ELMO1: variants seen among roughly 807,000 people sequenced by gnomAD.
ELMO1 encodes the protein engulfment and cell motility protein 1.
In ELMO1, 26 loss-of-function variants were observed where a neutral mutation model predicts 98.9. That is an observed-to-expected ratio of 0.26 (90% CI 0.19 to 0.36). The LOEUF is 0.36. Among genes scored for constraint, ELMO1 ranks in the 10% least tolerant of loss-of-function variants. The pLI is 1.00. For synonymous variants in ELMO1, 346 were observed against 346.0 expected, an observed-to-expected ratio of 1.00 and a Z score of 0.00; for missense variants, 627 against 935.2, an observed-to-expected ratio of 0.67 and a Z score of 4.30.
chr7:37,124,002 T>C (rs1208060209), intron 14 of ELMO1, among the ~76,000 whole-genome samples: 2 of 152,132 alleles, frequency 1.3e-5, no homozygotes, highest in Non-Finnish European at 2.9e-5. Context: ...TCCATAAACA[T>C]AATCCAGCAT....
At chr7:37,363,950 C>T (rs1406774482) in intron 1 of ELMO1, among the ~76,000 whole-genome samples, 1 of 152,240 alleles carries the variant, frequency 6.6e-6, no homozygotes, top group East Asian at 1.9e-4. Context: ...ACTCTAACCC[C>T]CCACAGGCAA....
At chr7:37,369,026 T>G (rs1251911213) in intron 1 of ELMO1, among the ~76,000 whole-genome samples, 2 of 152,184 alleles carry the variant, frequency 1.3e-5, no homozygotes, top group Non-Finnish European at 2.9e-5. Flanking sequence ...TATTTCTGTA[T>G]AAAGCAATAA....
intron 8 of ELMO1, among the ~76,000 whole-genome samples, chr7:37,226,337 A>G (rs964728707): frequency 6.6e-6 from 1 of 152,322 alleles, no homozygotes; most frequent in South Asian, 2.1e-4. Flanking sequence ...CGACATGTTT[A>G]CTATCCTTGG....
intron 19 of ELMO1, among the ~76,000 whole-genome samples, chr7:36,875,949 A>C (rs3734950): frequency 0.07 from 10,631 of 152,254 alleles, 538 homozygotes; most frequent in East Asian, 0.26. Flanking sequence ...GGGGCTAAAC[A>C]CTATGTCCTG....
intron 8 of ELMO1, among the ~76,000 whole-genome samples, chr7:37,225,959 C>T (rs1220240250): frequency 1.3e-5 from 2 of 152,160 alleles, no homozygotes; most frequent in African/African-American, 2.4e-5. Flanking sequence ...ACTCTTGCTG[C>T]TTCCCCCCTG....
rs1025811428 is a variant in ELMO1 at position 37,262,976 on chromosome 7, G to A, written c.244-3626C>T. Among the ~76,000 whole-genome samples the A allele has an allele frequency of 5.0e-4, 76 of 152,180 alleles. 4 individuals are homozygous for A. The highest frequency in any genetic ancestry group is 1.5e-5 in the Non-Finnish European group (1 of 68,034). On this transcript the variant is annotated intron_variant, in intron 5 of 21. Transcript: ENST00000310758. ...GTAACCCTCATCATGGAGTCCGCCAGGAAAAGGTGCTCCACAGAGGTGAGT... is the reference window on the plus strand; with the variant it reads ...GTAACCCTCATCATGGAGTCCGCCAAGAAAAGGTGCTCCACAGAGGTGAGT...
chr7:36,957,895 G>A (rs1174663239), intron 16 of ELMO1, among the ~76,000 whole-genome samples: 3 of 152,096 alleles, frequency 2.0e-5, no homozygotes, highest in Non-Finnish European at 2.9e-5. Flanking sequence ...TAGCCCCTCC[G>A]GCACCACCCT....
At chr7:37,412,388 T>C (rs1562674765) in intron 1 of ELMO1, among the ~76,000 whole-genome samples, 2 of 152,194 alleles carry the variant, frequency 1.3e-5, no homozygotes, top group Non-Finnish European at 2.9e-5. Context: ...ATCTGTCTTC[T>C]ATAGGAGGCT....
chr7:37,347,906 C>G (rs963676115), intron 1 of ELMO1, among the ~76,000 whole-genome samples: 4 of 152,138 alleles, frequency 2.6e-5, no homozygotes, highest in African/African-American at 7.2e-5. Context: ...TGAGGCATAA[C>G]TGAGAAGGAA....
intron 9 of ELMO1, 34 bp from the exon 10 acceptor site, chr7:37,222,727 A>G: frequency 3.7e-6 from 6 of 1,601,936 alleles, no homozygotes; most frequent in Non-Finnish European, 5.1e-6. Context: ...GAAAATCAGA[A>G]CACGAAGTCA....
chr7:37,362,068 T>C (rs753613517), intron 1 of ELMO1, among the ~76,000 whole-genome samples: 2 of 152,158 alleles, frequency 1.3e-5, no homozygotes, highest in South Asian at 2.1e-4. Flanking sequence ...ATTTCTCTTA[T>C]ACGAGGTAGC....
intron 1 of ELMO1, among the ~76,000 whole-genome samples, chr7:37,354,317 C>A (rs1289669579): frequency 1.3e-5 from 2 of 152,188 alleles, no homozygotes; most frequent in African/African-American, 2.4e-5. Context: ...ATTACTCAAG[C>A]CAGTGATGCA....
chr7:37,143,711 ATTTTT>A (rs11407170), intron 13 of ELMO1, among the ~76,000 whole-genome samples: 4 of 115,786 alleles, frequency 3.5e-5, no homozygotes, highest in African/African-American at 1.4e-4. Context: ...CAGCCGGTCG[ATTTTT>A]TTTTTTTTTT....
At chr7:37,339,872 G>A (rs1800624777) in intron 2 of ELMO1, among the ~76,000 whole-genome samples, 1 of 150,910 alleles carries the variant, frequency 6.6e-6, no homozygotes, top group Non-Finnish European at 1.5e-5. Flanking sequence ...GATATGATGA[G>A]CCAAAAAGGA....
At chr7:37,327,069 C>A (rs1370586376) in intron 2 of ELMO1, among the ~76,000 whole-genome samples, 2 of 152,212 alleles carry the variant, frequency 1.3e-5, no homozygotes, top group Non-Finnish European at 2.9e-5. Flanking sequence ...ACAGCAACAA[C>A]AACCACTTTC....
At chr7:36,927,750 G>A (rs1167565914) in intron 16 of ELMO1, among the ~76,000 whole-genome samples, 1 of 152,200 alleles carries the variant, frequency 6.6e-6, no homozygotes, top group African/African-American at 2.4e-5. Context: ...CATCACTCTA[G>A]AGATCAAACT....
chr7:37,029,755 C>A (rs537379049), intron 15 of ELMO1, among the ~76,000 whole-genome samples: 1 of 152,088 alleles, frequency 6.6e-6, no homozygotes, highest in Non-Finnish European at 1.5e-5. Flanking sequence ...GGTATTCCTA[C>A]GAATAAAACA....
At chr7:37,055,514 C>T (rs1796346253) in intron 15 of ELMO1, among the ~76,000 whole-genome samples, 1 of 152,160 alleles carries the variant, frequency 6.6e-6, no homozygotes, top group South Asian at 2.1e-4. Context: ...CATTCACCTG[C>T]CCAAATATCC....
intron 1 of ELMO1, among the ~76,000 whole-genome samples, chr7:37,353,819 G>C (rs928462491): frequency 1.3e-5 from 2 of 152,132 alleles, no homozygotes; most frequent in East Asian, 3.9e-4. Flanking sequence ...AGTGCTGATT[G>C]GTGTATTTAC....
Sources: gnomAD v4.1 joint callset for allele counts (sites outside exome capture counted in the v4.1 genomes callset) on GRCh38, gnomAD v4.1.1 for gene constraint, MANE v1.5 for transcripts, NCBI Gene and HGNC (gene_info 2026-07-23, HGNC 2026-07-21) for gene names.